Variants in ERICH3 observed in about 807,000 individuals in gnomAD.
The protein encoded by ERICH3 is glutamate rich 3.
ERICH3 carries 126 observed loss-of-function variants against 131.1 expected under a neutral mutation model. The observed-to-expected ratio is 0.96, with a 90% CI of 0.83 to 1.11. The LOEUF is 1.11. Among genes scored for constraint, ERICH3 ranks in the 50% most tolerant of loss-of-function variants. ERICH3 has a pLI of 0.00. For missense variants in ERICH3, 2,050 were observed against 1,810.7 expected (o/e 1.13, Z -2.40); for synonymous variants, 695 against 644.6 (o/e 1.08, Z -1.18).
At chr1:74,659,947 A>T (rs1226697146) in intron 1 of ERICH3, among the ~76,000 whole-genome samples, 1 of 152,054 alleles carries the variant, frequency 6.6e-6, no homozygotes, top group Non-Finnish European at 1.5e-5. Flanking sequence ...CCCAAATAGG[A>T]ATTTGTTGAT....
At chr1:74,625,331 T>C (rs1649377719) in intron 7 of ERICH3, 1 of 152,002 alleles carries the variant, frequency 6.6e-6, no homozygotes, top group Admixed American at 6.6e-5. Flanking sequence ...AGTTTTTCCA[T>C]AAAGTTTAAT....
chr1:74,605,201 C>A (rs948660197), intron 10 of ERICH3, among the ~76,000 whole-genome samples: 2 of 151,950 alleles, frequency 1.3e-5, no homozygotes, highest in African/African-American at 4.8e-5. Context: ...TTCTCCTGCA[C>A]CTTCTTCACC....
intron 8 of ERICH3, among the ~76,000 whole-genome samples, chr1:74,618,610 C>T (rs992136584): frequency 6.6e-6 from 1 of 152,068 alleles, no homozygotes; most frequent in Non-Finnish European, 1.5e-5. Flanking sequence ...ATAAAAATGC[C>T]TGTGAAGAAA....
Position 74,590,081 on chromosome 1 carries a change from C to G in ERICH3, c.1727-1G>C. ...GAGGTTGATGAAGCAGTTTTCATAT[C>G]TACAAAAAATAAAAGTGATGACATT... On this transcript the variant is annotated splice_acceptor_variant, in intron 11 of 14. Coordinates refer to ENST00000326665, the MANE Select transcript of ERICH3 (RefSeq NM_001002912.5). LOFTEE classifies it high-confidence loss of function. 3 of 1,573,024 alleles carry G rather than the reference C, an allele frequency of 1.9e-6. No homozygotes were observed. Among genetic ancestry groups the G allele is most frequent in the African/African-American group, 1.4e-5 (1 of 73,292 alleles).
At chr1:74,628,116 C>T (rs1427562840) in intron 7 of ERICH3, among the ~76,000 whole-genome samples, 1 of 152,116 alleles carries the variant, frequency 6.6e-6, no homozygotes, top group Admixed American at 6.6e-5. Context: ...TTGTGAGTAT[C>T]CACTTAAAAT....
chr1:74,579,767 C>T (rs1004092655), intron 12 of ERICH3: 2 of 985,408 alleles, frequency 2.0e-6, no homozygotes, highest in Non-Finnish European at 2.4e-6. Flanking sequence ...TTTGTTGCCT[C>T]TCTGTATTTA....
intron 8 of ERICH3, among the ~76,000 whole-genome samples, chr1:74,613,525 A>C (rs1255138088): frequency 6.6e-6 from 1 of 152,200 alleles, no homozygotes; most frequent in African/African-American, 2.4e-5. Flanking sequence ...TGAGCTCATT[A>C]ATACATTTTA....
chr1:74,670,489 C>T (rs1646731236), intron 1 of ERICH3, among the ~76,000 whole-genome samples: 1 of 152,200 alleles, frequency 6.6e-6, no homozygotes, highest in South Asian at 2.1e-4. Context: ...GGTGGAGCCA[C>T]AGCAGAGGAA....
intron 12 of ERICH3, among the ~76,000 whole-genome samples, chr1:74,581,108 G>A (rs1053511564): frequency 1.3e-5 from 2 of 152,080 alleles, no homozygotes; most frequent in Admixed American, 6.6e-5. Context: ...CCAAATTAAT[G>A]AATTTTTTTC....
intron 9 of ERICH3, among the ~76,000 whole-genome samples, chr1:74,608,674 T>A (rs1260978071): frequency 2.6e-5 from 4 of 152,090 alleles, no homozygotes; most frequent in African/African-American, 9.7e-5. Context: ...TCAAAGTAAC[T>A]ATCAGGCTGT....
chr1:74,589,792 C>A lies in ERICH3; in HGVS notation c.2015G>T (p.Gly672Val). ...DESFENVLKEGTEKGTQEIAE... is the reference protein window; with the variant it reads ...DESFENVLKEVTEKGTQEIAE... ...AATCTCTTGGGTTCCTTTCTCCGTT[C>A]CTTCTTTAAGAACATTCTCAAAGCT... The change falls in exon 12 of 15, where the codon GGA becomes GTA. Residue 672 changes from glycine to valine, a missense_variant. Coordinates refer to ENST00000326665, the MANE Select transcript of ERICH3 (RefSeq NM_001002912.5). The A allele has an allele frequency of 6.2e-7, 1 of 1,614,072 alleles. No individual in the cohort carries two copies.
Position 74,573,138 on chromosome 1 carries a change from G to T in ERICH3, c.2572C>A (p.Pro858Thr), listed in dbSNP as rs150485650. ...TCTTTTGCTGCTGCTTGTCCTATGG[G>T]GTCTGACCCCCCTTCACCCAGCCTT... ...VRRLGEGGSD[P>T]IGQAAAKDAV... Residue 858 changes from proline to threonine, a missense_variant, in exon 14 of 15, where the codon CCC (proline) becomes ACC (threonine). Pro to Thr is a conservative substitution (Grantham distance 38, BLOSUM62 -1). Coordinates refer to ENST00000326665, the MANE Select transcript of ERICH3 (RefSeq NM_001002912.5). 3 of 1,613,242 alleles carry T rather than the reference G, an allele frequency of 1.9e-6. No individual in the cohort carries two copies. Among genetic ancestry groups the T allele is most frequent in the Non-Finnish European group, 2.5e-6 (3 of 1,179,676 alleles).
At chr1:74,673,836 C>G (rs1014071342), upstream of ERICH3, 1 of 324,622 alleles carries the variant, frequency 3.1e-6, no homozygotes, top group African/African-American at 2.2e-5. Flanking sequence ...AGCTTCTACC[C>G]CTTTTTCTGG....
At chr1:74,637,682 G>T (rs964194999) in intron 5 of ERICH3, among the ~76,000 whole-genome samples, 3 of 152,130 alleles carry the variant, frequency 2.0e-5, no homozygotes, top group African/African-American at 7.2e-5. Flanking sequence ...CACTTTGGGA[G>T]GCCATGGTGG....
intron 1 of ERICH3, among the ~76,000 whole-genome samples, chr1:74,665,931 G>A (rs1646687912): frequency 6.6e-6 from 1 of 152,106 alleles, no homozygotes; most frequent in Non-Finnish European, 1.5e-5. Flanking sequence ...ACCAACCTAA[G>A]TATATATCAT....
rs748532494 is a variant in ERICH3 at position 74,589,987 on chromosome 1, G to A, written c.1820C>T (p.Thr607Ile). ...GGCACTTTCATCTGTGCTGCTGTCA[G>A]TGTGGGCTTCCCTGTCCCCCACTGC... ...ESAVGDREAH[T>I]DSSTDESARR... The change falls in exon 12 of 15, where the codon ACT (threonine) becomes ATT (isoleucine). Residue 607 changes from threonine to isoleucine, a missense_variant. Transcript: ENST00000326665. 1.9e-6 allele frequency: 3 copies of A among 1,613,966 alleles called. No individual in the cohort carries two copies. Among genetic ancestry groups the A allele is most frequent in the Admixed American group, 3.3e-5 (2 of 59,992 alleles).
intron 8 of ERICH3, among the ~76,000 whole-genome samples, chr1:74,618,878 G>A (rs572436508): frequency 5.9e-5 from 9 of 152,246 alleles, no homozygotes; most frequent in Non-Finnish European, 1.2e-4. Flanking sequence ...TCCAACTTTT[G>A]TTAACAGAAA....
At chr1:74,640,549 A>C (rs1444077608) in intron 5 of ERICH3, among the ~76,000 whole-genome samples, 5 of 152,190 alleles carry the variant, frequency 3.3e-5, no homozygotes. Flanking sequence ...ATAAAGCAAG[A>C]ATAAAGACAT....
Position 74,649,230 on chromosome 1 carries a change from A to T in ERICH3, c.109T>A (p.Ser37Thr). The T allele has an allele frequency of 6.2e-7, 1 of 1,609,780 alleles. No individual in the cohort carries two copies. The highest frequency in any genetic ancestry group is 8.5e-7 in the Non-Finnish European group (1 of 1,177,452). Residue 37 changes from serine to threonine, a missense_variant, in exon 2 of 15, where the codon TCA (serine) becomes ACA (threonine). Coordinates refer to ENST00000326665, the MANE Select transcript of ERICH3 (RefSeq NM_001002912.5). ...NTRIRRHLLR[S>T]GLITRSGRIL... ...AGTAAACCAAAACTTACCAGTCCTG[A>T]TCTTAAGAGATGACGCCTTATCCTT...
Sources: allele counts gnomAD v4.1 joint callset (sites outside exome capture counted in the v4.1 genomes callset), GRCh38; gene constraint gnomAD v4.1.1; transcripts MANE v1.5; gene names NCBI Gene and HGNC (gene_info 2026-07-23, HGNC 2026-07-21).